Variants in STYXL1 observed in about 807,000 individuals in gnomAD.
The protein encoded by STYXL1 is serine/threonine/tyrosine interacting like 1.
In STYXL1, 32 loss-of-function variants were observed where a neutral mutation model predicts 36.4. The ratio of observed to expected loss-of-function variants is 0.88; its 90% confidence interval spans 0.66 to 1.18. The LOEUF is 1.18. Among genes scored for constraint, STYXL1 ranks in the 50% most tolerant of loss-of-function variants. The probability of loss-of-function intolerance (pLI) is 0.00; values close to 1 mark genes in which losing one functional copy is unlikely to be tolerated. For missense variants in STYXL1, 354 were observed against 394.1 expected, an observed-to-expected ratio of 0.90 and a Z score of 0.86; for synonymous variants, 133 against 144.1, an observed-to-expected ratio of 0.92 and a Z score of 0.55.
intron 5 of STYXL1, among the ~76,000 whole-genome samples, chr7:76,006,059 T>C (rs1791725795): frequency 6.6e-6 from 1 of 151,930 alleles, no homozygotes; most frequent in Admixed American, 6.6e-5. Flanking sequence ...GCTCAACCCA[T>C]CTTTTTCTTT....
chr7:76,009,603 G>A (rs1792303605), intron 5 of STYXL1, among the ~76,000 whole-genome samples: 2 of 152,288 alleles, frequency 1.3e-5, no homozygotes, highest in African/African-American at 4.8e-5. Flanking sequence ...TAGAGATGGG[G>A]TTTCACCATG....
chr7:76,019,298 T>TA (rs1437733546), intron 4 of STYXL1, among the ~76,000 whole-genome samples: 5 of 148,804 alleles, frequency 3.4e-5, no homozygotes, highest in Non-Finnish European at 7.5e-5. Context: ...TTTTTTTTTT[T>TA]AAATACGTTT....
chr7:76,043,725 C>T (rs1554582760), intron 1 of STYXL1, among the ~76,000 whole-genome samples: 1 of 152,208 alleles, frequency 6.6e-6, no homozygotes, highest in African/African-American at 2.4e-5. Flanking sequence ...CCTCCACCAA[C>T]ACAGGATGCC....
intron 4 of STYXL1, among the ~76,000 whole-genome samples, chr7:76,021,599 T>G (rs1663621303): frequency 6.6e-6 from 1 of 152,032 alleles, no homozygotes; most frequent in Admixed American, 6.6e-5. Flanking sequence ...ACCCCAACTT[T>G]CCAGTCCCTC....
Position 76,027,088 on chromosome 7 carries a change from A to C in STYXL1, c.165+1554T>G, listed in dbSNP as rs188853303. 1.4e-3 allele frequency among the ~76,000 whole-genome samples: 208 copies of C among 152,096 alleles called. 1 individual carries two copies. The highest frequency in any genetic ancestry group is 4.2e-3 in the South Asian group (20 of 4,816). On this transcript the variant is annotated intron_variant, in intron 3 of 8. Transcript: ENST00000359697. ...AAAAGAAAAAAAAAAAGAATAAAGA[A>C]AAGAAACCAGGAAAGTCAAAGAGAA... is the stretch of plus-strand genomic sequence containing the variant.
At position 75,999,836 on chromosome 7, in the gene STYXL1, G is replaced by A. The variant is rs185188994; in HGVS notation, c.810+1054C>T. ...GCTGGGATTACAGGCGTGAGCCACC[G>A]CGCCCGGCCTGTTATGTATATTTTA... is the stretch of plus-strand genomic sequence containing the variant. On this transcript the variant is annotated intron_variant, in intron 8 of 8. Coordinates refer to ENST00000359697, the MANE Select transcript of STYXL1 (RefSeq NM_001317785.2). Among the ~76,000 whole-genome samples the A allele has an allele frequency of 2.5e-3, 382 of 152,160 alleles. 3 individuals are homozygous for A. Among genetic ancestry groups the A allele is most frequent in the Admixed American group, 5.0e-3 (76 of 15,258 alleles).
intron 5 of STYXL1, among the ~76,000 whole-genome samples, chr7:76,012,221 C>A (rs1792643254): frequency 6.6e-6 from 1 of 152,136 alleles, no homozygotes. Flanking sequence ...ATCCTCCTGC[C>A]TTGGCCTCCC....
intron 1 of STYXL1, among the ~76,000 whole-genome samples, chr7:76,041,635 G>A (rs1796484231): frequency 6.6e-6 from 1 of 152,112 alleles, no homozygotes; most frequent in African/African-American, 2.4e-5. Context: ...ACCAGAAGCC[G>A]ACCAGATGCA....
chr7:76,036,090 G>C (rs1236980606), intron 1 of STYXL1, among the ~76,000 whole-genome samples: 5 of 149,636 alleles, frequency 3.3e-5, no homozygotes, highest in Non-Finnish European at 6.0e-5. Flanking sequence ...TCTGAACCCT[G>C]AAGAGTTTAT....
intron 1 of STYXL1, among the ~76,000 whole-genome samples, chr7:76,046,333 TGTGTGTGCGCGCGCGCGCGC>T (rs1797044898): frequency 6.7e-5 from 1 of 14,916 alleles, no homozygotes; most frequent in Non-Finnish European, 1.5e-4. Context: ...TGTGTGTGTG[TGTGTGTGCGCGCGCGCGCGC>T]GCGCGCTTTT....
intron 6 of STYXL1, among the ~76,000 whole-genome samples, chr7:76,004,062 G>C (rs1277611286): frequency 8.5e-5 from 13 of 152,128 alleles, no homozygotes; most frequent in Non-Finnish European, 1.8e-4. Flanking sequence ...TTGGGAAACA[G>C]AGATGGGAGG....
At chr7:76,031,224 G>A (rs560069002) in intron 1 of STYXL1, among the ~76,000 whole-genome samples, 25 of 147,940 alleles carry the variant, frequency 1.7e-4, no homozygotes, top group African/African-American at 5.7e-4. Context: ...CCAGCTACTC[G>A]GGAGACTGAG....
In STYXL1 at chr7:76,047,215, C is replaced by T. The variant is rs543837289; in HGVS notation, c.-5+447G>A. ...GGCAGAGGTTGCAGTGAGCCAAGATCGCGCCACTGCACTCCAGCCTGGGCT... is the reference window on the plus strand; with the variant it reads ...GGCAGAGGTTGCAGTGAGCCAAGATTGCGCCACTGCACTCCAGCCTGGGCT... On this transcript the variant is annotated intron_variant, in intron 1 of 8. Transcript: ENST00000359697. Among the ~76,000 whole-genome samples, 4 of 152,144 alleles carry T rather than the reference C, an allele frequency of 2.6e-5. No individual in the cohort carries two copies. In the East Asian group the frequency reaches 5.9e-4, roughly 22 times the overall value.
chr7:76,021,096 GAGA>G (rs1270882110), intron 4 of STYXL1, among the ~76,000 whole-genome samples: 6 of 115,364 alleles, frequency 5.2e-5, no homozygotes, highest in African/African-American at 1.7e-4. Context: ...TTTTTTTTTT[GAGA>G]AGGAGTCTCG....
intron 4 of STYXL1, among the ~76,000 whole-genome samples, chr7:76,021,291 C>G (rs1184341938): frequency 2.6e-5 from 4 of 151,996 alleles, no homozygotes; most frequent in African/African-American, 4.8e-5. Flanking sequence ...CCGTGTTAGC[C>G]AAGATGGTCT....
At chr7:76,030,197 C>T (rs1795170262) in intron 2 of STYXL1, among the ~76,000 whole-genome samples, 1 of 152,022 alleles carries the variant, frequency 6.6e-6, no homozygotes, top group Admixed American at 6.6e-5. Context: ...TGGGGTTTTG[C>T]CCTGTTGGCC....
chr7:75,996,681 A>G, intron 8 of STYXL1, 82 bp from the exon 9 acceptor site: 2 of 1,413,364 alleles, frequency 1.4e-6, no homozygotes, highest in Non-Finnish European at 9.8e-7. Flanking sequence ...TTTCAGAGAC[A>G]GGAGGCACTT....
chr7:76,014,586 C>G (rs1793018675), intron 4 of STYXL1, among the ~76,000 whole-genome samples: 1 of 151,970 alleles, frequency 6.6e-6, no homozygotes, highest in South Asian at 2.1e-4. Context: ...CTCCTGAGCT[C>G]AAGCAATCTA....
At chr7:76,030,777 C>G (rs1554579077) in intron 1 of STYXL1, among the ~76,000 whole-genome samples, 4 of 148,122 alleles carry the variant, frequency 2.7e-5, no homozygotes, top group Non-Finnish European at 6.0e-5. Flanking sequence ...TTTGGGAGGC[C>G]GAGGCGGGTG....
Sources: gnomAD v4.1 joint callset for allele counts (sites outside exome capture counted in the v4.1 genomes callset) on GRCh38, gnomAD v4.1.1 for gene constraint, MANE v1.5 for transcripts, NCBI Gene and HGNC (gene_info 2026-07-23, HGNC 2026-07-21) for gene names.